Variants in CLEC1A observed in about 807,000 individuals in gnomAD.
CLEC1A encodes C-type lectin domain family 1 member A, also known as C-type lectin-like receptor-1.
Under a neutral mutation model 28.7 loss-of-function variants are expected in CLEC1A, and 34 were observed. The observed-to-expected ratio is 1.18, with a 90% CI of 0.90 to 1.57. The LOEUF (loss-of-function observed/expected upper bound fraction) is 1.57. Ranked by LOEUF, CLEC1A falls within the 40% of genes most tolerant of loss-of-function variation. The probability of loss-of-function intolerance (pLI) is 0.00; values close to 1 mark genes in which losing one functional copy is unlikely to be tolerated. For synonymous variants in CLEC1A, 116 were observed against 121.0 expected (o/e 0.96, Z 0.27); for missense variants, 385 against 339.5 (o/e 1.13, Z -1.05).
At position 10,081,251 on chromosome 12, in the gene CLEC1A, T is replaced by A; in HGVS notation, c.377A>T (p.Tyr126Phe). 6.3e-7 allele frequency: 1 copy of A among 1,599,404 alleles called. No homozygotes were observed. The highest frequency in any genetic ancestry group is 8.5e-7 in the Non-Finnish European group (1 of 1,173,004). ...HVAEKLCREL[Y>F]NKAGAHRCSP... Reference sequence around the variant, plus strand: ...GACACACTTACCTCCAGCTTTGTTATACAGCTCACGACAGAGTTTTTCAGC... The same window carrying A: ...GACACACTTACCTCCAGCTTTGTTAAACAGCTCACGACAGAGTTTTTCAGC... Residue 126 changes from tyrosine to phenylalanine, a missense_variant, in exon 3 of 6, where the codon TAT becomes TTT. Coordinates refer to ENST00000315330, the MANE Select transcript of CLEC1A (RefSeq NM_016511.4).
In CLEC1A at chr12:10,071,346, C is replaced by T. The variant is rs140826615; in HGVS notation, c.830G>A (p.Gly277Asp). The T allele has an allele frequency of 1.2e-6, 2 of 1,613,482 alleles. No homozygotes were observed. Among genetic ancestry groups the T allele is most frequent in the Non-Finnish European group, 1.7e-6 (2 of 1,179,688 alleles). ...GCAGAGGGCGAATCAGTCACCTTCG[C>T]CTAATGTTTCAGGGGGGACATGGAG... ...ESLHVPPETL[G>D]EGD The change falls in exon 6 of 6, where the codon GGC becomes GAC. Residue 277 changes from glycine to aspartate, a missense_variant. Transcript: ENST00000315330.
chr12:10,076,859 A>C (rs1331335517), intron 3 of CLEC1A, among the ~76,000 whole-genome samples: 1 of 152,222 alleles, frequency 6.6e-6, no homozygotes, highest in Non-Finnish European at 1.5e-5. Context: ...AAGATTATGA[A>C]GCAGCAACTG....
Position 10,089,261 on chromosome 12 carries a change from C to G in CLEC1A, c.116-39G>C. On this transcript the variant is annotated intron_variant, in intron 1 of 5. Transcript: ENST00000315330. ...AAGAGAAAGCAGAGTTTGGCTTTTT[C>G]TTCCTCTTGCATCTAAGTCAATAAC... 1.9e-6 allele frequency: 3 copies of G among 1,542,238 alleles called. No homozygotes were observed. In the African/African-American group the frequency reaches 4.1e-5, roughly 21 times the overall value.
chr12:10,075,112 A>T (rs1388272795), intron 4 of CLEC1A, among the ~76,000 whole-genome samples: 3 of 152,338 alleles, frequency 2.0e-5, no homozygotes, highest in African/African-American at 7.2e-5. Flanking sequence ...GTAAAAACTT[A>T]GTTAAATATT....
rs1866102868 is a variant in CLEC1A at position 10,070,488 on chromosome 12, T to G, written c.*845A>C. On this transcript the variant is annotated 3_prime_UTR_variant, in exon 6 of 6. Coordinates refer to ENST00000315330, the MANE Select transcript of CLEC1A (RefSeq NM_016511.4). Reference sequence around the variant, plus strand: ...TTGTAAAATCACACACACTTCACAGTATTTACATTTATTATTATTAAATCT... The same window carrying G: ...TTGTAAAATCACACACACTTCACAGGATTTACATTTATTATTATTAAATCT... 1 of 152,234 alleles carries G rather than the reference T, an allele frequency of 6.6e-6. No individual in the cohort carries two copies. Among genetic ancestry groups the G allele is most frequent in the Non-Finnish European group, 1.5e-5 (1 of 68,036 alleles). 9.4% of individuals were successfully genotyped at this position (152,234 alleles called of 1,614,324 possible). A position where few individuals can be genotyped will look rare whatever the true frequency, so the allele number is the denominator to read the frequency against.
chr12:10,078,736 C>A (rs10845030), intron 3 of CLEC1A, among the ~76,000 whole-genome samples: 1 of 151,970 alleles, frequency 6.6e-6, no homozygotes, highest in African/African-American at 2.4e-5. Flanking sequence ...TTGTCCCCTC[C>A]AAATCTCATA....
At chr12:10,076,274 G>A (rs112314711) in intron 3 of CLEC1A, among the ~76,000 whole-genome samples, 4,036 of 152,122 alleles carry the variant, frequency 0.027, 168 homozygotes, top group African/African-American at 0.091. Context: ...CATGACCTTG[G>A]GTCATTTAGA....
chr12:10,087,976 T>C (rs1421829269), intron 2 of CLEC1A, among the ~76,000 whole-genome samples: 1 of 152,182 alleles, frequency 6.6e-6, no homozygotes, highest in Non-Finnish European at 1.5e-5. Context: ...CTCTCAAATG[T>C]TACTCAACAT....
intron 3 of CLEC1A, among the ~76,000 whole-genome samples, chr12:10,076,801 T>C (rs1866261729): frequency 6.6e-6 from 1 of 152,218 alleles, no homozygotes; most frequent in Non-Finnish European, 1.5e-5. Flanking sequence ...GTCCCTGTTG[T>C]TGTGAGAACT....
intron 2 of CLEC1A, among the ~76,000 whole-genome samples, chr12:10,083,320 C>T (rs1162387142): frequency 1.3e-5 from 2 of 152,152 alleles, no homozygotes; most frequent in Admixed American, 6.5e-5. Context: ...TATAGCACCA[C>T]CAAAAGGTAA....
intron 5 of CLEC1A, 104 bp downstream of exon 5, chr12:10,073,189 G>A: frequency 2.5e-6 from 2 of 784,642 alleles, no homozygotes; most frequent in Non-Finnish European, 4.4e-6. Context: ...CCAGTACAAA[G>A]CAGAAGTTTG....
At position 10,071,521 on chromosome 12, in the gene CLEC1A, A is replaced by C. The variant is rs202247186; in HGVS notation, c.663-8T>G. ...TCTATTATAATATGGAACCTTAAGA[A>C]AGGAAGAAAAAGTAAATTCAATCAC... is the stretch of plus-strand genomic sequence containing the variant. On this transcript the variant is annotated splice_polypyrimidine_tract_variant and splice_region_variant and intron_variant, in intron 5 of 5. Transcript: ENST00000315330. 228 of 1,567,636 alleles carry C rather than the reference A, an allele frequency of 1.5e-4. No individual in the cohort carries two copies. Among genetic ancestry groups the C allele is most frequent in the Non-Finnish European group, 1.8e-4 (208 of 1,157,550 alleles).
chr12:10,076,881 G>A lies in CLEC1A; in HGVS notation c.392-1226C>T, dbSNP rs192671017. On this transcript the variant is annotated intron_variant, in intron 3 of 5. Transcript: ENST00000315330. ...TGAAGCAGCAACTGGACTCAGCAAG[G>A]AGAATCTTGGTTCATTCTGCTCTGG... 2.9e-3 allele frequency among the ~76,000 whole-genome samples: 438 copies of A among 152,286 alleles called. 1 individual carries two copies. Among genetic ancestry groups the A allele is most frequent in the African/African-American group, 0.01 (428 of 41,570 alleles).
chr12:10,083,862 T>C (rs1388971033), intron 2 of CLEC1A, among the ~76,000 whole-genome samples: 1 of 152,088 alleles, frequency 6.6e-6, no homozygotes, highest in Non-Finnish European at 1.5e-5. Context: ...TCACAACTTC[T>C]GGAAATGAAA....
chr12:10,075,509 C>G lies in CLEC1A; in HGVS notation c.538G>C (p.Asp180His). 6.2e-7 allele frequency: 1 copy of G among 1,613,714 alleles called. No homozygotes were observed. The highest frequency in any genetic ancestry group is 1.1e-5 in the South Asian group (1 of 91,018). The change falls in exon 4 of 6, where the codon GAC becomes CAC. Residue 180 changes from aspartate (D) to histidine (H), a missense_variant. Asp to His is a moderately conservative substitution (Grantham distance 81). Transcript: ENST00000315330. Reference sequence around the variant, plus strand: ...GAAAAGCCTCAGAATCTTACCAGGTCTTCTTGTTTGTTTATCTTCAGCATG... The same window carrying G: ...GAAAAGCCTCAGAATCTTACCAGGTGTTCTTGTTTGTTTATCTTCAGCATG... ...STMLKINKQE[D>H]LEFAASQSYS...
At chr12:10,097,012 C>G (rs1218642144) in intron 1 of CLEC1A, among the ~76,000 whole-genome samples, 1 of 152,114 alleles carries the variant, frequency 6.6e-6, no homozygotes, top group Non-Finnish European at 1.5e-5. Context: ...TTTCAATTTC[C>G]TTATGAACAG....
chr12:10,071,975 G>C (rs1452207499), intron 5 of CLEC1A, among the ~76,000 whole-genome samples: 1 of 152,194 alleles, frequency 6.6e-6, no homozygotes, highest in African/African-American at 2.4e-5. Flanking sequence ...AAAGGATACT[G>C]ATGTGGTTTG....
intron 3 of CLEC1A, among the ~76,000 whole-genome samples, chr12:10,080,310 C>A (rs1449871918): frequency 6.6e-6 from 1 of 152,044 alleles, no homozygotes; most frequent in Admixed American, 6.6e-5. Flanking sequence ...GAGACTCCAT[C>A]TCCCCCCACC....
At chr12:10,086,411 G>C (rs1233953533) in intron 2 of CLEC1A, among the ~76,000 whole-genome samples, 1 of 150,864 alleles carries the variant, frequency 6.6e-6, no homozygotes, top group Non-Finnish European at 1.5e-5. Flanking sequence ...ATAAAAAACT[G>C]GTTATTTGAA....
Sources: allele counts gnomAD v4.1 joint callset (sites outside exome capture counted in the v4.1 genomes callset), GRCh38; gene constraint gnomAD v4.1.1; transcripts MANE v1.5; gene names NCBI Gene and HGNC (gene_info 2026-07-23, HGNC 2026-07-21).